Variants in CORO2B observed in about 807,000 individuals in gnomAD.
CORO2B encodes the protein coronin-2B.
In CORO2B, 26 loss-of-function variants were observed where a neutral mutation model predicts 58.8. The ratio of observed to expected loss-of-function variants is 0.44; its 90% CI spans 0.32 to 0.61. The LOEUF (loss-of-function observed/expected upper bound fraction) is 0.61. Among genes scored for constraint, CORO2B ranks in the 20% least tolerant of loss-of-function variants. The pLI, the probability that CORO2B is intolerant of heterozygous loss-of-function variation, is 0.04. For synonymous variants in CORO2B, 242 were observed against 253.8 expected (o/e 0.95, Z 0.44); for missense variants, 460 against 645.1 (o/e 0.71, Z 3.11).
chr15:68,654,292 T>C (rs1050585164), intron 2 of CORO2B, among the ~76,000 whole-genome samples: 2 of 152,256 alleles, frequency 1.3e-5, no homozygotes, highest in Non-Finnish European at 2.9e-5. Context: ...GGGCCAGAGA[T>C]GCAGCCTGGC....
At chr15:68,542,518 TAGTC>T in the CORO2B span, among the ~76,000 whole-genome samples, 1 of 152,264 alleles carries the variant, frequency 6.6e-6, no homozygotes, top group Non-Finnish European at 1.5e-5. Flanking sequence ...ATTTCTGTGT[TAGTC>T]AGGATAGGCT....
At chr15:68,565,578 T>A in the CORO2B span, among the ~76,000 whole-genome samples, 1 of 152,050 alleles carries the variant, frequency 6.6e-6, no homozygotes, top group Non-Finnish European at 1.5e-5. Context: ...TTTCTCTGTC[T>A]GCATTTCTTT....
chr15:68,604,169 G>A (rs529443980), intron 1 of CORO2B, among the ~76,000 whole-genome samples: 1 of 152,120 alleles, frequency 6.6e-6, no homozygotes, highest in Non-Finnish European at 1.5e-5. Context: ...TTCTTATCAC[G>A]TTCGCTTGTC....
At chr15:68,705,451 A>G (rs1264507681) in intron 3 of CORO2B, among the ~76,000 whole-genome samples, 11 of 151,524 alleles carry the variant, frequency 7.3e-5, no homozygotes, top group South Asian at 4.2e-4. Context: ...AAAAAAAAAA[A>G]AAAGAAAGTA....
chr15:68,634,287 G>A (rs1464099630), intron 1 of CORO2B, among the ~76,000 whole-genome samples: 1 of 152,202 alleles, frequency 6.6e-6, no homozygotes, highest in Non-Finnish European at 1.5e-5. Context: ...GAAAGCCCTC[G>A]AGGGATGCAT....
chr15:68,697,330 GTAAA>G lies in CORO2B; in HGVS notation c.333+2077_333+2080del, dbSNP rs971332819. ...GATGAATGAATGAAAGAATGGATAA[GTAAA>G]TAGATGACTGTATGACAGGTGGGTA... On this transcript the variant is annotated intron_variant, in intron 3 of 11. Coordinates refer to ENST00000261861, the MANE Select transcript of CORO2B (RefSeq NM_006091.5). Among the ~76,000 whole-genome samples the G allele has an allele frequency of 3.9e-5, 6 of 152,170 alleles. No individual in the cohort carries two copies. In the South Asian group the frequency reaches 8.3e-4, roughly 21 times the overall value.
chr15:68,536,712 T>G, the CORO2B span, among the ~76,000 whole-genome samples: 1 of 152,208 alleles, frequency 6.6e-6, no homozygotes, highest in African/African-American at 2.4e-5. Context: ...AATTTCTGAA[T>G]AAAAACTGAA....
rs960658155 is a variant in CORO2B, at chr15:68,596,480, C to G, written c.15+17203C>G. 7.9e-5 allele frequency among the ~76,000 whole-genome samples: 12 copies of G among 152,212 alleles called. No homozygotes were observed. The East Asian group carries it at 2.3e-3, about 29-fold the overall frequency. On this transcript the variant is annotated intron_variant, in intron 1 of 11. Coordinates refer to ENST00000261861, the MANE Select transcript of CORO2B (RefSeq NM_006091.5). The stretch of plus-strand genomic sequence containing the variant: ...AGCAATTTTGAGGCTCCAGCAGGAG[C>G]CTGCCTGCCACGGAAAGCACAGTGA...
the CORO2B span, among the ~76,000 whole-genome samples, chr15:68,553,493 C>T: frequency 6.6e-6 from 1 of 152,166 alleles, no homozygotes; most frequent in Non-Finnish European, 1.5e-5. Context: ...GATTCTCCCC[C>T]GAACCACCCA....
chr15:68,531,558 A>AGG, the CORO2B span, among the ~76,000 whole-genome samples: 5 of 133,242 alleles, frequency 3.8e-5, no homozygotes, highest in African/African-American at 1.5e-4. Flanking sequence ...GAAGGAAGGA[A>AGG]AGAAAGAGAA....
At chr15:68,519,656 A>G in the CORO2B span, among the ~76,000 whole-genome samples, 1 of 152,090 alleles carries the variant, frequency 6.6e-6, no homozygotes, top group African/African-American at 2.4e-5. Context: ...TTTATACTCT[A>G]TTTCATTAAT....
At chr15:68,582,063 G>T (rs1009095747) in intron 1 of CORO2B, among the ~76,000 whole-genome samples, 4 of 152,160 alleles carry the variant, frequency 2.6e-5, no homozygotes, top group South Asian at 2.1e-4. Flanking sequence ...TAGCACTTCT[G>T]TAGAGGAGGT....
upstream of CORO2B, chr15:68,578,916 C>G (rs1211994212): frequency 2.0e-5 from 12 of 592,144 alleles, no homozygotes; most frequent in African/African-American, 2.2e-4. The surrounding 1 kb of genome is among the most constrained non-coding windows in gnomAD (Gnocchi z 4.2). Context: ...CTCCCTCCGC[C>G]TCCTCCTTTG....
At chr15:68,628,812 T>G (rs966309630) in intron 1 of CORO2B, among the ~76,000 whole-genome samples, 1 of 152,178 alleles carries the variant, frequency 6.6e-6, no homozygotes, top group Non-Finnish European at 1.5e-5. Context: ...GCCTCTCCAT[T>G]CATTCCCTGA....
intron 2 of CORO2B, among the ~76,000 whole-genome samples, chr15:68,648,265 A>C (rs1901517121): frequency 6.7e-6 from 1 of 148,686 alleles, no homozygotes; most frequent in South Asian, 2.2e-4. Context: ...CCCGGGAGGC[A>C]GAGGTTGCAG....
intron 1 of CORO2B, among the ~76,000 whole-genome samples, chr15:68,610,944 G>A (rs943382469): frequency 1.2e-4 from 18 of 152,206 alleles, no homozygotes; most frequent in African/African-American, 4.1e-4. Context: ...ACGCAGCCAA[G>A]GAAAGAATCC....
rs1420271139 is a variant in CORO2B at position 68,701,686 on chromosome 15, G to A, written c.333+6430G>A. Among the ~76,000 whole-genome samples, 4 of 151,774 alleles carry A rather than the reference G, an allele frequency of 2.6e-5. No homozygotes were observed. The East Asian group carries it at 5.9e-4, about 22-fold the overall frequency. On this transcript the variant is annotated intron_variant, in intron 3 of 11. Coordinates refer to ENST00000261861, the MANE Select transcript of CORO2B (RefSeq NM_006091.5). ...TTTTTAGTAGAGACGGGGTTTCATC[G>A]TGTTAGCCAGGACGATCTCAATCTC... is the stretch of plus-strand genomic sequence containing the variant.
At chr15:68,643,791 G>A (rs1421606390) in intron 1 of CORO2B, among the ~76,000 whole-genome samples, 1 of 152,068 alleles carries the variant, frequency 6.6e-6, no homozygotes, top group Admixed American at 6.5e-5. Flanking sequence ...TAATCCCAGC[G>A]CTTTGGGAGG....
chr15:68,575,237 C>A (rs1373582058), upstream of CORO2B, among the ~76,000 whole-genome samples: 1 of 152,188 alleles, frequency 6.6e-6, no homozygotes, highest in African/African-American at 2.4e-5. Flanking sequence ...GGATAAACAC[C>A]CGCTAGGCTG....
Sources: gnomAD v4.1 joint callset for allele counts (sites outside exome capture counted in the v4.1 genomes callset) on GRCh38, gnomAD v4.1.1 for gene constraint, Gnocchi (gnomAD v3.1) non-coding constraint, MANE v1.5 for transcripts, NCBI Gene and HGNC (gene_info 2026-07-23, HGNC 2026-07-21) for gene names.